The following IGDCC4 variants were observed in gnomAD, a reference collection of about 807,000 sequenced individuals.
IGDCC4 encodes likely ortholog of mouse neighbor of Punc E11.
Under a neutral mutation model 116.6 loss-of-function variants are expected in IGDCC4, and 72 were observed. The ratio of observed to expected loss-of-function variants is 0.62; its 90% CI spans 0.51 to 0.75. IGDCC4 has a LOEUF of 0.75. Among genes scored for constraint, IGDCC4 ranks in the 30% least tolerant of loss-of-function variants. The probability of loss-of-function intolerance (pLI) is 0.00; values close to 1 mark genes in which losing one functional copy is unlikely to be tolerated. For missense variants in IGDCC4, 1,501 were observed against 1,662.4 expected, an observed-to-expected ratio of 0.90 and a Z score of 1.69; for synonymous variants, 709 against 719.9, an observed-to-expected ratio of 0.98 and a Z score of 0.24.
intron 4 of IGDCC4, among the ~76,000 whole-genome samples, chr15:65,401,956 A>AC (rs111645164): frequency 0.23 from 34,542 of 152,042 alleles, 4,159 homozygotes; most frequent in South Asian, 0.33. Flanking sequence ...AGAGGGACGA[A>AC]CCCCCAGTGC....
chr15:65,418,504 A>G (rs2063163194), intron 1 of IGDCC4, among the ~76,000 whole-genome samples: 1 of 152,122 alleles, frequency 6.6e-6, no homozygotes, highest in Admixed American at 6.5e-5. Flanking sequence ...CCCTGATCCC[A>G]AGGACCCCAT....
At chr15:65,402,798 C>T (rs685911) in intron 3 of IGDCC4, among the ~76,000 whole-genome samples, 42,378 of 151,940 alleles carry the variant, frequency 0.28, 7,237 homozygotes, top group African/African-American at 0.48. Flanking sequence ...ACCCGGGAGG[C>T]GGAGGTTGCG....
intron 3 of IGDCC4, among the ~76,000 whole-genome samples, chr15:65,409,958 A>G (rs1294910210): frequency 2.6e-5 from 4 of 152,186 alleles, no homozygotes; most frequent in African/African-American, 9.6e-5. Flanking sequence ...ACACCTACCC[A>G]GGCTCCACAG....
intron 1 of IGDCC4, among the ~76,000 whole-genome samples, chr15:65,416,655 G>A (rs1341367086): frequency 1.3e-5 from 2 of 152,158 alleles, no homozygotes; most frequent in East Asian, 3.9e-4. Context: ...GTGCCGGGGT[G>A]GACACATTGC....
chr15:65,403,152 A>G (rs2063006139), intron 3 of IGDCC4, among the ~76,000 whole-genome samples: 1 of 152,218 alleles, frequency 6.6e-6, no homozygotes, highest in African/African-American at 2.4e-5. Flanking sequence ...GAAACAACCC[A>G]AGTGTTCATC....
chr15:65,395,920 G>T lies in IGDCC4; in HGVS notation c.1241C>A (p.Ala414Glu), dbSNP rs1277394062. The change falls in exon 7 of 20, where the codon GCG becomes GAG. Residue 414 changes from alanine to glutamate, a missense_variant. Coordinates refer to ENST00000352385, the MANE Select transcript of IGDCC4 (RefSeq NM_020962.3). ...QCVAENSAGM[A>E]CAAASLAVVV... ...CACGGCCAGCGACGCGGCAGCGCAC[G>T]CCATTCCCGCGCTGTTCTCAGCCAC... The T allele has an allele frequency of 1.9e-6, 3 of 1,591,162 alleles. No individual in the cohort carries two copies. Among genetic ancestry groups the T allele is most frequent in the African/African-American group, 1.3e-5 (1 of 74,464 alleles).
Position 65,395,218 on chromosome 15 carries a change from G to A in IGDCC4, c.1452C>T (p.Asp484=). The part of the protein sequence containing the change: ...NVEYQFAVNN[D]TTELQVRDLE... ...GGTCCCGAACCTGTAGTTCTGTGGT[G>A]TCGTTGTTCACTGCAAACTGGTATT... The change falls in exon 8 of 20, where the codon GAC becomes GAT. Residue 484 remains aspartate (D), a synonymous_variant. Transcript: ENST00000352385. 6.2e-7 allele frequency: 1 copy of A among 1,613,754 alleles called. No homozygotes were observed. The highest frequency in any genetic ancestry group is 8.5e-7 in the Non-Finnish European group (1 of 1,179,756).
chr15:65,393,975 A>T lies in IGDCC4; in HGVS notation c.1714+436T>A, dbSNP rs1006564804. Among the ~76,000 whole-genome samples, 1 of 151,878 alleles carries T rather than the reference A, an allele frequency of 6.6e-6. No homozygotes were observed. Among genetic ancestry groups the T allele is most frequent in the Admixed American group, 6.6e-5 (1 of 15,256 alleles). The stretch of plus-strand genomic sequence containing the variant: ...TTCCTCACCCTTCCCCTGGTCCCTC[A>T]GCTACCTTCCTCCTCCTAACTTTTT... On this transcript the variant is annotated intron_variant, in intron 9 of 19. Transcript: ENST00000352385. This position sits in a 1 kb window ranked among gnomAD's most constrained non-coding sequence, Gnocchi z 4.6.
chr15:65,392,519 A>AT (rs2062878003), intron 10 of IGDCC4, 149 bp from the exon 11 acceptor site: 3 of 615,568 alleles, frequency 4.9e-6, no homozygotes, highest in Admixed American at 6.4e-5. Context: ...TTCTCCCAAC[A>AT]CATCACCACT....
rs773431215 is a variant in IGDCC4, at chr15:65,411,033, G to T, written c.408C>A (p.Val136=). Residue 136 remains valine, a synonymous_variant, in exon 2 of 20, where the codon GTC becomes GTA. Coordinates refer to ENST00000352385, the MANE Select transcript of IGDCC4 (RefSeq NM_020962.3). ...PLGVLASQTA[V]VKLATLADFS... ...GCAAGCACTTACTGGCAAGCTTGAC[G>T]ACAGCAGTCTGGCTGGCCAGCACTC... 8.7e-6 allele frequency: 14 copies of T among 1,608,666 alleles called. No homozygotes were observed. The highest frequency in any genetic ancestry group is 1.7e-4 in the Middle Eastern group (1 of 6,022).
chr15:65,409,995 G>A (rs1269007866), intron 3 of IGDCC4, among the ~76,000 whole-genome samples, 183 bp downstream of exon 3: 2 of 152,220 alleles, frequency 1.3e-5, no homozygotes, highest in East Asian at 1.9e-4. Flanking sequence ...CTCCCAGGGA[G>A]CAAAAACTTC....
intron 4 of IGDCC4, among the ~76,000 whole-genome samples, chr15:65,401,282 A>T: frequency 6.6e-6 from 1 of 152,214 alleles, no homozygotes; most frequent in East Asian, 1.9e-4. Context: ...ACTTGGAGTC[A>T]ACAGTTATAG....
chr15:65,389,044 C>T (rs1595777253), intron 14 of IGDCC4, 66 bp from the exon 15 acceptor site: 2 of 1,139,734 alleles, frequency 1.8e-6, no homozygotes, highest in Non-Finnish European at 2.4e-6. Flanking sequence ...ATGATATGAC[C>T]TCCCTTCTTC....
chr15:65,414,616 G>C (rs368229568), intron 1 of IGDCC4, among the ~76,000 whole-genome samples: 2 of 152,196 alleles, frequency 1.3e-5, no homozygotes, highest in East Asian at 1.9e-4. Context: ...GAGCCTAATA[G>C]ACATCACTCA....
At chr15:65,398,068 G>A (rs781439856) in intron 5 of IGDCC4, among the ~76,000 whole-genome samples, 2 of 152,156 alleles carry the variant, frequency 1.3e-5, no homozygotes, top group African/African-American at 2.4e-5. Context: ...CTATAAATGC[G>A]GCACATGTTC....
chr15:65,416,576 C>A (rs1029733205), intron 1 of IGDCC4, among the ~76,000 whole-genome samples: 2 of 151,900 alleles, frequency 1.3e-5, no homozygotes, highest in African/African-American at 4.8e-5. Context: ...AGCTTCATGG[C>A]CAGCGCTTAC....
intron 1 of IGDCC4, among the ~76,000 whole-genome samples, chr15:65,421,731 C>G (rs546439841): frequency 2.6e-5 from 4 of 151,870 alleles, no homozygotes; most frequent in African/African-American, 4.8e-5. Context: ...CTCAGCTCCC[C>G]CCTCCGCGGG....
At chr15:65,415,235 G>A (rs1190746013) in intron 1 of IGDCC4, among the ~76,000 whole-genome samples, 1 of 152,180 alleles carries the variant, frequency 6.6e-6, no homozygotes, top group Non-Finnish European at 1.5e-5. Context: ...TGAGCCCTCC[G>A]GCAGCCTCCC....
intron 3 of IGDCC4, among the ~76,000 whole-genome samples, chr15:65,405,310 T>C (rs908933819): frequency 1.5e-5 from 1 of 66,656 alleles, no homozygotes; most frequent in South Asian, 4.1e-4. Context: ...GTTAAGTGGG[T>C]TTTTTTTTTT....
Sources: allele counts gnomAD v4.1 joint callset (sites outside exome capture counted in the v4.1 genomes callset), GRCh38; gene constraint gnomAD v4.1.1; non-coding constraint Gnocchi (gnomAD v3.1); transcripts MANE v1.5; gene names NCBI Gene and HGNC (gene_info 2026-07-23, HGNC 2026-07-21).